The following GEMIN2 variants were observed in gnomAD, a reference collection of about 807,000 sequenced individuals.
GEMIN2 encodes the protein gem-associated protein 2.
Under a neutral mutation model 45.8 loss-of-function variants are expected in GEMIN2, and 37 were observed. The observed-to-expected ratio is 0.81, with a 90% CI of 0.62 to 1.06. The LOEUF (loss-of-function observed/expected upper bound fraction) is 1.06, where lower values mean the gene tolerates loss of function less well. Among genes scored for constraint, GEMIN2 ranks in the 50% least tolerant of loss-of-function variants. GEMIN2 has a pLI of 0.00. For synonymous variants in GEMIN2, 101 were observed against 111.5 expected, an observed-to-expected ratio of 0.91 and a Z score of 0.60; for missense variants, 335 against 321.8, an observed-to-expected ratio of 1.04 and a Z score of -0.31.
At chr14:39,122,346 G>A in intron 4 of GEMIN2, 84 bp from the exon 5 acceptor site, 1 of 685,060 alleles carries the variant, frequency 1.5e-6, no homozygotes, top group South Asian at 1.9e-5. Flanking sequence ...ATGGGAATAT[G>A]GAAGGACTTA....
chr14:39,122,361 C>CT (rs61692397), intron 4 of GEMIN2, 69 bp from the exon 5 acceptor site: 212,441 of 722,272 alleles, frequency 0.29, 22,841 homozygotes, highest in Non-Finnish European at 0.33. Context: ...GACTTAACTT[C>CT]TTTTTTTTTA....
At chr14:39,132,696 T>TGGG (rs2052733843) in intron 8 of GEMIN2, among the ~76,000 whole-genome samples, 1 of 117,830 alleles carries the variant, frequency 8.5e-6, no homozygotes, top group Admixed American at 1.0e-4. Context: ...TCTTTTATTG[T>TGGG]GAGATGGAGT....
chr14:39,116,905 C>T (rs2052515240), intron 2 of GEMIN2, among the ~76,000 whole-genome samples: 1 of 152,124 alleles, frequency 6.6e-6, no homozygotes, highest in Non-Finnish European at 1.5e-5. Context: ...CATGTGCCAC[C>T]GTGCCCAGCT....
At chr14:39,129,343 A>G (rs185891573) in intron 7 of GEMIN2, among the ~76,000 whole-genome samples, 4 of 152,296 alleles carry the variant, frequency 2.6e-5, no homozygotes, top group Admixed American at 2.6e-4. Context: ...TGCATTTCTC[A>G]GAATATATCT....
rs2052720767 is a variant in GEMIN2, at chr14:39,131,892, A to T, written c.601-66A>T. ...AGCAGATAATCAGGCATAACATTGGACATTTAAAAAATAAACTTCTGGTTC... is the reference window on the plus strand; with the variant it reads ...AGCAGATAATCAGGCATAACATTGGTCATTTAAAAAATAAACTTCTGGTTC... On this transcript the variant is annotated intron_variant, in intron 7 of 9. Coordinates refer to ENST00000308317, the MANE Select transcript of GEMIN2 (RefSeq NM_003616.3). The T allele has an allele frequency of 1.0e-5, 8 of 779,504 alleles. No homozygotes were observed. The South Asian group carries it at 1.2e-4, about 11-fold the overall frequency. The allele number at this position is 779,504 out of a possible 1,614,324, so 48.3% of individuals were successfully genotyped here. A position where few individuals can be genotyped will look rare whatever the true frequency, so the allele number is the denominator to read the frequency against.
rs1594524536 is a variant in GEMIN2, at chr14:39,136,591, G to C, written c.*112G>C. The C allele has an allele frequency of 7.3e-6, 6 of 821,566 alleles. No homozygotes were observed. The highest frequency in any genetic ancestry group is 4.9e-5 in the East Asian group (2 of 41,074). 50.9% of individuals were successfully genotyped at this position (821,566 alleles called of 1,614,324 possible). A position where few individuals can be genotyped will look rare whatever the true frequency, so the allele number is the denominator to read the frequency against. On this transcript the variant is annotated 3_prime_UTR_variant, in exon 10 of 10. Coordinates refer to ENST00000308317, the MANE Select transcript of GEMIN2 (RefSeq NM_003616.3). ...CAACACATCTTCAACACTATGTGAA[G>C]GGTTCACATCTTAACCTGTGCAATT...
intron 6 of GEMIN2, among the ~76,000 whole-genome samples, chr14:39,127,455 G>T (rs2052659189): frequency 6.7e-6 from 1 of 148,900 alleles, no homozygotes; most frequent in African/African-American, 2.5e-5. Context: ...GGATTCCCCG[G>T]CCTCAGCCTC....
In GEMIN2 at chr14:39,118,020, C is replaced by G; in HGVS notation, c.244C>G (p.Pro82Ala). 6.2e-7 allele frequency: 1 copy of G among 1,604,238 alleles called. No homozygotes were observed. Among genetic ancestry groups the G allele is most frequent in the Non-Finnish European group, 8.5e-7 (1 of 1,173,390 alleles). ...CTAGCTTTCAGGATGCCAACCCGCC[C>G]CTGAAGGTTATTCCCCAACACTTCA... Reference protein sequence around the residue: ...NISLSGCQPAPEGYSPTLQWQ... With the variant: ...NISLSGCQPAAEGYSPTLQWQ... The change falls in exon 3 of 10, where the codon CCT (proline) becomes GCT (alanine). Residue 82 changes from proline to alanine, a missense_variant. Pro to Ala is a conservative substitution (Grantham distance 27, BLOSUM62 -1). Transcript: ENST00000308317.
At chr14:39,119,509 T>A (rs2052551478) in intron 4 of GEMIN2, among the ~76,000 whole-genome samples, 1 of 152,364 alleles carries the variant, frequency 6.6e-6, no homozygotes, top group African/African-American at 2.4e-5. Context: ...TTTAGGGGAC[T>A]TCATATTCTT....
chr14:39,136,699 G>A lies in GEMIN2; in HGVS notation c.*220G>A. The A allele has an allele frequency of 2.2e-6, 1 of 455,480 alleles. No homozygotes were observed. The highest frequency in any genetic ancestry group is 3.9e-6 in the Non-Finnish European group (1 of 258,030). The allele number at this position is 455,480 out of a possible 1,614,324, so 28.2% of individuals were successfully genotyped here. On this transcript the variant is annotated 3_prime_UTR_variant, in exon 10 of 10. Transcript: ENST00000308317. ...CCACTCAGTTTTTGATGAACAGTTT[G>A]AACAGTTTTCTGTAATCAAGCAGCT... is the stretch of plus-strand genomic sequence containing the variant.
chr14:39,124,355 CATCTT>C (rs1447296907), intron 5 of GEMIN2, among the ~76,000 whole-genome samples: 1 of 152,104 alleles, frequency 6.6e-6, no homozygotes, highest in Non-Finnish European at 1.5e-5. Flanking sequence ...ATATTAATGT[CATCTT>C]ATCAATGTTA....
intron 3 of GEMIN2, 59 bp downstream of exon 3, chr14:39,118,147 G>A: frequency 1.2e-6 from 1 of 816,110 alleles, no homozygotes; most frequent in Admixed American, 2.7e-5. Context: ...TTCTTAGACT[G>A]TAGCTGGAAA....
At chr14:39,116,728 C>T (rs1381678836) in intron 2 of GEMIN2, among the ~76,000 whole-genome samples, 1 of 152,022 alleles carries the variant, frequency 6.6e-6, no homozygotes, top group Non-Finnish European at 1.5e-5. Context: ...AACAGAATGT[C>T]TTAATATACC....
intron 2 of GEMIN2, among the ~76,000 whole-genome samples, chr14:39,115,906 C>T (rs1406020668): frequency 6.6e-6 from 1 of 152,114 alleles, no homozygotes. Flanking sequence ...AGTTTACATA[C>T]CCTCCTGAGG....
At chr14:39,119,053 G>T (rs369896114) in intron 4 of GEMIN2, among the ~76,000 whole-genome samples, 11 of 152,078 alleles carry the variant, frequency 7.2e-5, no homozygotes, top group East Asian at 3.9e-4. Context: ...TGGATTACAG[G>T]CATGAGCTAC....
intron 4 of GEMIN2, among the ~76,000 whole-genome samples, chr14:39,121,670 G>C (rs1274782749): frequency 1.3e-5 from 2 of 152,202 alleles, no homozygotes; most frequent in African/African-American, 4.8e-5. Context: ...CTTGAAGGCT[G>C]AAAGTCAAAG....
intron 1 of GEMIN2, 121 bp from the exon 2 acceptor site, chr14:39,114,708 A>G (rs555008935): frequency 5.8e-6 from 4 of 687,040 alleles, no homozygotes; most frequent in African/African-American, 5.4e-5. Flanking sequence ...TAGTACCTCA[A>G]TTGGAAGTCT....
At chr14:39,135,518 G>A (rs1417726993) in intron 9 of GEMIN2, among the ~76,000 whole-genome samples, 1 of 151,992 alleles carries the variant, frequency 6.6e-6, no homozygotes, top group Non-Finnish European at 1.5e-5. Flanking sequence ...CCTGGGAGGT[G>A]GAGGTTGCAG....
intron 2 of GEMIN2, 56 bp from the exon 3 acceptor site, chr14:39,117,943 G>T: frequency 1.2e-6 from 1 of 825,954 alleles, no homozygotes. Flanking sequence ...GCAGAGGCAT[G>T]AGATTCTAGT....
Sources: gnomAD v4.1 joint callset for allele counts (sites outside exome capture counted in the v4.1 genomes callset) on GRCh38, gnomAD v4.1.1 for gene constraint, MANE v1.5 for transcripts, NCBI Gene and HGNC (gene_info 2026-07-23, HGNC 2026-07-21) for gene names.